MAPKBP1: variants seen among roughly 807,000 people sequenced by gnomAD.
MAPKBP1 encodes mitogen-activated protein kinase binding protein 1.
In MAPKBP1, 71 loss-of-function variants were observed where a neutral mutation model predicts 170.5. The observed-to-expected ratio is 0.42, with a 90% CI of 0.34 to 0.51. The LOEUF (loss-of-function observed/expected upper bound fraction) is 0.51. Ranked by LOEUF, MAPKBP1 falls within the 20% of genes least tolerant of loss-of-function variation. MAPKBP1 has a pLI of 0.06. For missense variants in MAPKBP1, 1,598 were observed against 1,933.0 expected (o/e 0.83, Z 3.25); for synonymous variants, 719 against 757.9 (o/e 0.95, Z 0.84).
chr15:41,801,959 G>A (rs184632119), intron 3 of MAPKBP1, among the ~76,000 whole-genome samples: 1 of 152,240 alleles, frequency 6.6e-6, no homozygotes, highest in Non-Finnish European at 1.5e-5. Flanking sequence ...TGGCAGTTTC[G>A]TTGTTGAGTG....
chr15:41,817,294 A>C lies in MAPKBP1; in HGVS notation c.1712-94A>C, dbSNP rs924282898. The C allele has an allele frequency of 1.2e-5, 16 of 1,367,582 alleles. No individual in the cohort carries two copies. Among genetic ancestry groups the C allele is most frequent in the Non-Finnish European group, 1.7e-5 (16 of 958,244 alleles). 84.7% of individuals were successfully genotyped at this position (1,367,582 alleles called of 1,614,324 possible). On this transcript the variant is annotated intron_variant, in intron 14 of 30. Transcript: ENST00000457542. The surrounding 1 kb of genome is among the most constrained non-coding windows in gnomAD (Gnocchi z 4.2). ...GTTGGTTTTCCCTGGCATGTAGAGT[A>C]GCTTGATGGGGGATCTCATGGAGGG...
chr15:41,823,156 G>T lies in MAPKBP1; in HGVS notation c.3532G>T (p.Val1178Leu), dbSNP rs375403313. The change falls in exon 28 of 31, where the codon GTG becomes TTG. Residue 1178 changes from valine to leucine, a missense_variant. Physicochemically the swap from Val to Leu is conservative, Grantham distance 32. Around this residue, in one of 6 missense-constraint regions of MAPKBP1, gnomAD observed 942 missense variants for 953.2 expected, o/e 0.99. Transcript: ENST00000457542. ...TGACAGCAGCTGGGCTCCCAAGAGA[G>T]TGGCCACAGCCAGCCCCTTTTCTGG... Reference protein sequence around the residue: ...NPDSSWAPKRVATASPFSGLQ... With the variant: ...NPDSSWAPKRLATASPFSGLQ... 3 of 1,613,642 alleles carry T rather than the reference G, an allele frequency of 1.9e-6. No homozygotes were observed. In the South Asian group the frequency reaches 3.3e-5, roughly 18 times the overall value.
At chr15:41,824,405 C>G in intron 29 of MAPKBP1, 79 bp from the exon 30 acceptor site, 1 of 1,343,584 alleles carries the variant, frequency 7.4e-7, no homozygotes, top group Non-Finnish European at 1.0e-6. Flanking sequence ...CTAGGTCTCT[C>G]CTGTTCTGAG....
At chr15:41,786,777 A>AAAAAAAAATATATATATATATATATATAT in intron 2 of MAPKBP1, among the ~76,000 whole-genome samples, 4 of 32,440 alleles carry the variant, frequency 1.2e-4, no homozygotes, top group Non-Finnish European at 1.1e-4. Flanking sequence ...AAAAAAAAAA[A>AAAAAAAAATATATATATATATATATATAT]ATATATATAT....
intron 8 of MAPKBP1, 181 bp from the exon 9 acceptor site, chr15:41,813,440 C>A: frequency 6.9e-7 from 1 of 1,451,766 alleles, no homozygotes; most frequent in East Asian, 2.3e-5. Flanking sequence ...CTAGAAGAAT[C>A]CTCGGTTCCT....
chr15:41,822,060 C>T lies in MAPKBP1; in HGVS notation c.2981C>T (p.Ser994Phe). The change falls in exon 25 of 31, where the codon TCT (serine) becomes TTT (phenylalanine). Residue 994 changes from serine to phenylalanine, a missense_variant. Physicochemically the swap from Ser to Phe is radical, Grantham distance 155 (BLOSUM62 -2). Coordinates refer to ENST00000457542, the MANE Select transcript of MAPKBP1 (RefSeq NM_014994.3). Reference protein sequence around the residue: ...SEKHSPDSACSVDYSSSCLSS... With the variant: ...SEKHSPDSACFVDYSSSCLSS... ...AAGCACAGCCCTGACAGTGCCTGCTCTGTGGATTACAGCAGCAGCTGCCTT... is the reference window on the plus strand; with the variant it reads ...AAGCACAGCCCTGACAGTGCCTGCTTTGTGGATTACAGCAGCAGCTGCCTT... The T allele has an allele frequency of 6.2e-7, 1 of 1,605,682 alleles. No homozygotes were observed. The highest frequency in any genetic ancestry group is 8.5e-7 in the Non-Finnish European group (1 of 1,175,876).
intron 2 of MAPKBP1, among the ~76,000 whole-genome samples, chr15:41,778,477 T>G (rs559819238): frequency 1.3e-4 from 20 of 152,350 alleles, no homozygotes; most frequent in Non-Finnish European, 2.6e-4. Context: ...AGATTTAAGT[T>G]ACATCAAAGA....
chr15:41,806,633 C>T (rs187480598), intron 3 of MAPKBP1, among the ~76,000 whole-genome samples: 6 of 152,328 alleles, frequency 3.9e-5, no homozygotes, highest in Non-Finnish European at 5.9e-5. Context: ...TGAGGCCTTA[C>T]GTCCTTCTGT....
chr15:41,818,823 C>T lies in MAPKBP1; in HGVS notation c.2157C>T (p.Ser719=). 4 of 1,613,854 alleles carry T rather than the reference C, an allele frequency of 2.5e-6. No individual in the cohort carries two copies. Among genetic ancestry groups the T allele is most frequent in the Non-Finnish European group, 3.4e-6 (4 of 1,179,732 alleles). The change falls in exon 20 of 31, where the codon AGC becomes AGT. Residue 719 remains serine (S), a splice_region_variant and synonymous_variant. Transcript: ENST00000457542. This position sits in a 1 kb window ranked among gnomAD's most constrained non-coding sequence, Gnocchi z 5.2. ...AGCCAACTGTGTGGCTTTACCCCAG[C>T]TGCATATTTGTGTGGCGCCTGAGCT... ...CKHLISVSGD[S]CIFVWRLSSE... is the part of the protein sequence containing the mutation.
chr15:41,818,624 TGCCA>T lies in MAPKBP1; in HGVS notation c.2156+43_2156+46del. On this transcript the variant is annotated intron_variant, in intron 19 of 30. Transcript: ENST00000457542. This position sits in a 1 kb window ranked among gnomAD's most constrained non-coding sequence, Gnocchi z 5.2. Reference sequence around the variant, plus strand: ...TTCCCTGAGAGGCAGATTCTTACTCTGCCACAGCACCCTGCCCTCCCCTCTCTCC... The same window carrying T: ...TTCCCTGAGAGGCAGATTCTTACTCTCAGCACCCTGCCCTCCCCTCTCTCC... The T allele has an allele frequency of 6.3e-7, 1 of 1,580,348 alleles. No homozygotes were observed. The highest frequency in any genetic ancestry group is 8.7e-7 in the Non-Finnish European group (1 of 1,155,586).
At chr15:41,806,205 G>T (rs779593865) in intron 3 of MAPKBP1, among the ~76,000 whole-genome samples, 2 of 152,208 alleles carry the variant, frequency 1.3e-5, no homozygotes, top group African/African-American at 4.8e-5. Flanking sequence ...AGTTATAAGC[G>T]TGATTACAAA....
intron 3 of MAPKBP1, among the ~76,000 whole-genome samples, chr15:41,807,317 T>C (rs1399770072): frequency 2.0e-5 from 3 of 152,146 alleles, no homozygotes; most frequent in Non-Finnish European, 4.4e-5. Flanking sequence ...GAAGACTGAG[T>C]TTGTATGCAG....
intron 3 of MAPKBP1, among the ~76,000 whole-genome samples, chr15:41,808,396 C>T (rs1450132887): frequency 1.3e-5 from 2 of 151,220 alleles, no homozygotes; most frequent in African/African-American, 4.9e-5. Context: ...TGAGCCACCA[C>T]TCCCGGCTCT....
chr15:41,810,446 G>T (rs1438191002), intron 3 of MAPKBP1, among the ~76,000 whole-genome samples: 1 of 151,790 alleles, frequency 6.6e-6, no homozygotes, highest in Admixed American at 6.6e-5. Context: ...GCTGGGCACG[G>T]TGGCTTATGC....
chr15:41,791,418 A>T (rs1335420652), intron 2 of MAPKBP1, among the ~76,000 whole-genome samples: 2 of 152,064 alleles, frequency 1.3e-5, no homozygotes, highest in Non-Finnish European at 2.9e-5. Flanking sequence ...CTCACACTAA[A>T]AGGGAAAGCA....
chr15:41,787,657 C>T (rs1253223837), intron 2 of MAPKBP1, among the ~76,000 whole-genome samples: 9 of 152,260 alleles, frequency 5.9e-5, no homozygotes, highest in African/African-American at 1.2e-4. Context: ...TGAACCACCA[C>T]GCCCGGCCGC....
In MAPKBP1 at chr15:41,775,279, G is replaced by A. The variant is rs777922669; in HGVS notation, c.4G>A (p.Ala2Thr). ...TCCCAAAGGGTTTCTCGTCATAATG[G>A]CTGTGGAAGGGTCAACCATTACCAG... is the stretch of plus-strand genomic sequence containing the variant. MAVEGSTITSRI... is the reference protein window; with the variant it reads MTVEGSTITSRI... Residue 2 changes from alanine to threonine, a missense_variant, in exon 2 of 31, where the codon GCT (alanine) becomes ACT (threonine). Around this residue, in one of 6 missense-constraint regions of MAPKBP1, gnomAD observed 151 missense variants for 191.4 expected, o/e 0.79. Coordinates refer to ENST00000457542, the MANE Select transcript of MAPKBP1 (RefSeq NM_014994.3). 1.9e-6 allele frequency: 3 copies of A among 1,613,576 alleles called. No homozygotes were observed. The highest frequency in any genetic ancestry group is 2.2e-5 in the East Asian group (1 of 44,882).
At chr15:41,798,282 T>C (rs999728131) in intron 2 of MAPKBP1, among the ~76,000 whole-genome samples, 6 of 148,648 alleles carry the variant, frequency 4.0e-5, no homozygotes, top group Admixed American at 6.7e-5. Flanking sequence ...TCTAAACAGG[T>C]TCTCTAGGAG....
chr15:41,825,130 C>A (rs1359407327), intron 30 of MAPKBP1, 79 bp from the exon 31 acceptor site: 1 of 1,110,446 alleles, frequency 9.0e-7, no homozygotes, highest in Non-Finnish European at 1.3e-6. Flanking sequence ...CTGAGGCAGG[C>A]TGGACCCAGG....
Sources: gnomAD v4.1 joint callset for allele counts (sites outside exome capture counted in the v4.1 genomes callset) on GRCh38, gnomAD v4.1.1 for gene constraint, gnomAD v4.1.1 regional missense constraint, Gnocchi (gnomAD v3.1) non-coding constraint, MANE v1.5 for transcripts, NCBI Gene and HGNC (gene_info 2026-07-23, HGNC 2026-07-21) for gene names.